ALG5: variants seen among roughly 807,000 people sequenced by gnomAD.
ALG5 encodes the protein dolichyl-phosphate beta-glucosyltransferase.
In ALG5, 26 loss-of-function variants were observed where a neutral mutation model predicts 51.8. The ratio of observed to expected loss-of-function variants is 0.50; its 90% CI spans 0.37 to 0.70. The LOEUF (loss-of-function observed/expected upper bound fraction) is 0.70, where lower values mean the gene tolerates loss of function less well. Ranked by LOEUF, ALG5 falls within the 30% of genes least tolerant of loss-of-function variation. ALG5 has a pLI of 0.00. For synonymous variants in ALG5, 141 were observed against 136.1 expected (o/e 1.04, Z -0.25); for missense variants, 311 against 399.3 (o/e 0.78, Z 1.88).
intron 2 of ALG5, 51 bp from the exon 3 acceptor site, chr13:36,995,086 C>G (rs764618966): frequency 1.3e-6 from 2 of 1,506,728 alleles, no homozygotes; most frequent in South Asian, 1.1e-5. Context: ...ATTTTCCAAG[C>G]CCGGCACATT....
At chr13:36,993,773 T>C in intron 3 of ALG5, 101 bp from the exon 4 acceptor site, 1 of 888,722 alleles carries the variant, frequency 1.1e-6, no homozygotes. Flanking sequence ...TTAGTGTTGA[T>C]ACATATAAAT....
intron 5 of ALG5, among the ~76,000 whole-genome samples, chr13:36,989,141 CA>C (rs2059014718): frequency 1.3e-5 from 2 of 152,154 alleles, no homozygotes; most frequent in African/African-American, 4.8e-5. Flanking sequence ...CCATGCATAA[CA>C]GCATACCTTC....
intron 8 of ALG5, among the ~76,000 whole-genome samples, chr13:36,964,339 T>C (rs1282108443): frequency 6.6e-6 from 1 of 152,116 alleles, no homozygotes; most frequent in Non-Finnish European, 1.5e-5. Context: ...GCAAAGACCT[T>C]GTGGGCTACA....
rs367725567 is a variant in ALG5 at position 36,998,984 on chromosome 13, G to A, written c.66+251C>T. Reference sequence around the variant, plus strand: ...GCGGCGATGATGCCAGGCCGGGTGGGTGCGCTCCAGTGTGAAAAAACTTAC... The same window carrying A: ...GCGGCGATGATGCCAGGCCGGGTGGATGCGCTCCAGTGTGAAAAAACTTAC... On this transcript the variant is annotated intron_variant, in intron 1 of 9. Transcript: ENST00000239891. The A allele has an allele frequency of 1.6e-4, 61 of 371,504 alleles. No homozygotes were observed. In the East Asian group the frequency reaches 1.7e-3, roughly 10 times the overall value. The allele number at this position is 371,504 out of a possible 1,614,324, so 23.0% of individuals were successfully genotyped here. A position where few individuals can be genotyped will look rare whatever the true frequency, so the allele number is the denominator to read the frequency against.
At chr13:36,968,351 C>A (rs532425665) in intron 7 of ALG5, among the ~76,000 whole-genome samples, 1 of 152,264 alleles carries the variant, frequency 6.6e-6, no homozygotes, top group South Asian at 2.1e-4. Flanking sequence ...AAGGTGACTT[C>A]TAATTTCATT....
intron 6 of ALG5, among the ~76,000 whole-genome samples, chr13:36,974,121 A>G (rs2058938843): frequency 6.6e-6 from 1 of 152,240 alleles, no homozygotes; most frequent in Non-Finnish European, 1.5e-5. Context: ...CTTTATGCAT[A>G]AATATAGTGC....
intron 4 of ALG5, among the ~76,000 whole-genome samples, chr13:36,991,887 C>T (rs575489427): frequency 1.3e-5 from 2 of 152,158 alleles, no homozygotes; most frequent in South Asian, 4.1e-4. Context: ...CCCACCTTGG[C>T]CTCCCAAAGT....
At chr13:36,984,677 T>G (rs1024845836) in intron 6 of ALG5, among the ~76,000 whole-genome samples, 1 of 152,152 alleles carries the variant, frequency 6.6e-6, no homozygotes, top group African/African-American at 2.4e-5. Context: ...GATGTACCTG[T>G]ATCTCTTCCC....
chr13:36,954,672 G>A (rs2058832424), intron 8 of ALG5, among the ~76,000 whole-genome samples: 1 of 152,142 alleles, frequency 6.6e-6, no homozygotes, highest in Admixed American at 6.5e-5. Flanking sequence ...AACAGTATAA[G>A]GGTTATTCTC....
Position 36,952,596 on chromosome 13 carries a change from T to C in ALG5, c.777A>G (p.Ala259=). Residue 259 remains alanine (A), a synonymous_variant, in exon 9 of 10, where the codon GCA becomes GCG. Coordinates refer to ENST00000239891, the MANE Select transcript of ALG5 (RefSeq NM_013338.5). Reference sequence around the variant, plus strand: ...CTATGTACAGTAGTTCTACATCAAATGCCCTAAAATAGAAAATATATTGAT... The same window carrying C: ...CTATGTACAGTAGTTCTACATCAAACGCCCTAAAATAGAAAATATATTGAT... ...TFSSLHVERW[A]FDVELLYIAQ... 1 of 1,550,518 alleles carries C rather than the reference T, an allele frequency of 6.4e-7. No individual in the cohort carries two copies. The highest frequency in any genetic ancestry group is 8.7e-7 in the Non-Finnish European group (1 of 1,149,856).
rs1178582094 is a variant in ALG5 at position 36,950,076 on chromosome 13, T to G, written c.860-19A>C. On this transcript the variant is annotated intron_variant, in intron 9 of 9. Coordinates refer to ENST00000239891, the MANE Select transcript of ALG5 (RefSeq NM_013338.5). ...TTAGAACCTGTGATTTAAAAATAAT[T>G]AAAAACAAATTAGCTTAAATAAACT... The G allele has an allele frequency of 6.9e-7, 1 of 1,456,106 alleles. No individual in the cohort carries two copies. The highest frequency in any genetic ancestry group is 2.3e-5 in the East Asian group (1 of 43,708). 90.2% of individuals were successfully genotyped at this position (1,456,106 alleles called of 1,614,324 possible).
rs377708223 is a variant in ALG5, at chr13:36,981,904, C to T, written c.561+3723G>A. Reference sequence around the variant, plus strand: ...GAGATAGAGACCATCCTGGCTAACACGGTGAAACCCTGTCTCTACTAAAAA... The same window carrying T: ...GAGATAGAGACCATCCTGGCTAACATGGTGAAACCCTGTCTCTACTAAAAA... On this transcript the variant is annotated intron_variant, in intron 6 of 9. Transcript: ENST00000239891. Among the ~76,000 whole-genome samples, 29 of 152,182 alleles carry T rather than the reference C, an allele frequency of 1.9e-4. No homozygotes were observed. The East Asian group carries it at 4.2e-3, about 22-fold the overall frequency.
intron 6 of ALG5, 72 bp from the exon 7 acceptor site, chr13:36,972,108 A>C: frequency 8.5e-7 from 1 of 1,179,002 alleles, no homozygotes; most frequent in Non-Finnish European, 1.2e-6. Flanking sequence ...TTCAATGAGA[A>C]TATCTCATTT....
At chr13:36,961,652 C>T (rs1403486843) in intron 8 of ALG5, among the ~76,000 whole-genome samples, 1 of 152,046 alleles carries the variant, frequency 6.6e-6, no homozygotes, top group Non-Finnish European at 1.5e-5. Flanking sequence ...AATTTGAAGG[C>T]CAAATTTACA....
chr13:36,956,575 C>T (rs565933960), intron 8 of ALG5, among the ~76,000 whole-genome samples: 1 of 152,142 alleles, frequency 6.6e-6, no homozygotes, highest in African/African-American at 2.4e-5. Context: ...ATCCAATCAA[C>T]CTAAGGGTCT....
In ALG5 at chr13:36,996,703, T is replaced by G. The variant is rs970771108; in HGVS notation, c.67-1107A>C. 9.2e-5 allele frequency among the ~76,000 whole-genome samples: 14 copies of G among 152,364 alleles called. No homozygotes were observed. In the South Asian group the frequency reaches 2.9e-3, roughly 32 times the overall value. On this transcript the variant is annotated intron_variant, in intron 1 of 9. Coordinates refer to ENST00000239891, the MANE Select transcript of ALG5 (RefSeq NM_013338.5). ...CATTTCAAAAATTTGCCTTTTGCGT[T>G]TTATATGTATGAAAGGTATTTTAGG...
chr13:36,968,055 A>G (rs545319537), intron 7 of ALG5: 2 of 186,640 alleles, frequency 1.1e-5, no homozygotes. Flanking sequence ...ACCTTAAGTT[A>G]TTTGATTTCT....
At chr13:36,998,954 T>C (rs2059067979) in intron 1 of ALG5, 1 of 322,788 alleles carries the variant, frequency 3.1e-6, no homozygotes, top group African/African-American at 2.2e-5. Flanking sequence ...CCAGGGGCGA[T>C]GGAAGCGGCG....
intron 9 of ALG5, among the ~76,000 whole-genome samples, chr13:36,950,576 G>C (rs1320966726): frequency 1.1e-5 from 1 of 90,540 alleles, no homozygotes; most frequent in East Asian, 4.2e-4. Flanking sequence ...TATCACAGCA[G>C]ATTCTTTTTT....
Sources: gnomAD v4.1 joint callset for allele counts (sites outside exome capture counted in the v4.1 genomes callset) on GRCh38, gnomAD v4.1.1 for gene constraint, MANE v1.5 for transcripts, NCBI Gene and HGNC (gene_info 2026-07-23, HGNC 2026-07-21) for gene names.